Variants in NCK2 observed in about 807,000 individuals in gnomAD.
NCK2 encodes NCK adaptor protein 2, also known as cytoplasmic protein NCK2.
In NCK2, 16 loss-of-function variants were observed where a neutral mutation model predicts 33.9. The observed-to-expected ratio is 0.47, with a 90% CI of 0.32 to 0.72. The LOEUF (loss-of-function observed/expected upper bound fraction) is 0.72. Ranked by LOEUF, NCK2 falls within the 30% of genes least tolerant of loss-of-function variation. NCK2 has a pLI of 0.03. For missense variants in NCK2, 418 were observed against 537.3 expected (o/e 0.78, Z 2.19); for synonymous variants, 273 against 239.9 (o/e 1.14, Z -1.27).
At chr2:105,882,597 CAG>C (rs970149365) in intron 4 of NCK2, among the ~76,000 whole-genome samples, 2 of 152,026 alleles carry the variant, frequency 1.3e-5, no homozygotes, top group Non-Finnish European at 2.9e-5. Flanking sequence ...GAAAAGAAAA[CAG>C]GGGTTCTTGG....
At chr2:105,837,276 A>G (rs1346742136) in intron 2 of NCK2, among the ~76,000 whole-genome samples, 1 of 152,096 alleles carries the variant, frequency 6.6e-6, no homozygotes, top group Admixed American at 6.5e-5. Flanking sequence ...CTTGATTTTT[A>G]ACGTTAGTTT....
At position 105,816,037 on chromosome 2, in the gene NCK2, G is replaced by A. The variant is rs141693560; in HGVS notation, c.-200-393G>A. 4.3e-4 allele frequency among the ~76,000 whole-genome samples: 65 copies of A among 150,068 alleles called. 1 individual carries two copies. Among genetic ancestry groups the A allele is most frequent in the African/African-American group, 1.5e-3 (61 of 41,374 alleles). On this transcript the variant is annotated intron_variant, in intron 1 of 4. Transcript: ENST00000233154. ...GTTGGCCCTCCCCAACCCGAGTGTC[G>A]GAGCTTGCCCAGGGAATGAAAGGTG...
At chr2:105,869,998 A>AG (rs1677933009) in intron 3 of NCK2, among the ~76,000 whole-genome samples, 1 of 152,120 alleles carries the variant, frequency 6.6e-6, no homozygotes, top group African/African-American at 2.4e-5. Context: ...TGGAGTGGAA[A>AG]GTCAGGTTCA....
At chr2:105,780,734 GATTAA>G (rs1164350237) in intron 1 of NCK2, among the ~76,000 whole-genome samples, 9 of 152,258 alleles carry the variant, frequency 5.9e-5, no homozygotes, top group Admixed American at 3.3e-4. Context: ...TTGCAAATGG[GATTAA>G]TTTCCTTACG....
chr2:105,776,074 C>T (rs530999479), intron 1 of NCK2, among the ~76,000 whole-genome samples: 24 of 152,324 alleles, frequency 1.6e-4, no homozygotes, highest in African/African-American at 4.8e-4. Context: ...TGGCCTGGAG[C>T]ATGTCCCTTA....
chr2:105,880,555 A>G (rs1678428768), intron 3 of NCK2, among the ~76,000 whole-genome samples: 1 of 152,186 alleles, frequency 6.6e-6, no homozygotes, highest in African/African-American at 2.4e-5. Context: ...AGCTGGGGGC[A>G]GGGCAGGTTA....
At chr2:105,787,423 C>T (rs1303247064) in intron 1 of NCK2, among the ~76,000 whole-genome samples, 1 of 152,162 alleles carries the variant, frequency 6.6e-6, no homozygotes, top group African/African-American at 2.4e-5. Context: ...AATGGGATTC[C>T]TGCCCTTCTG....
Position 105,859,417 on chromosome 2 carries a change from C to T in NCK2, c.226+4128C>T, listed in dbSNP as rs180928879. Reference sequence around the variant, plus strand: ...ACCTACCTGGGACTTCTGCATCCAGCGTCACCTGCCCCAGGGCTCACTCCT... The same window carrying T: ...ACCTACCTGGGACTTCTGCATCCAGTGTCACCTGCCCCAGGGCTCACTCCT... On this transcript the variant is annotated intron_variant, in intron 3 of 4. Transcript: ENST00000233154. Among the ~76,000 whole-genome samples the T allele has an allele frequency of 2.5e-3, 378 of 152,312 alleles. 10 individuals are homozygous for T. Among genetic ancestry groups the T allele is most frequent in the Admixed American group, 0.022 (343 of 15,308 alleles).
intron 2 of NCK2, among the ~76,000 whole-genome samples, chr2:105,819,886 C>G (rs1459005633): frequency 6.6e-6 from 1 of 151,932 alleles, no homozygotes; most frequent in Admixed American, 6.6e-5. Flanking sequence ...GTATTTTGGG[C>G]TATTTTTCTT....
rs144845328 is a variant in NCK2 at position 105,787,909 on chromosome 2, C to T, written c.-200-28521C>T. Among the ~76,000 whole-genome samples, 949 of 151,668 alleles carry T rather than the reference C, an allele frequency of 6.3e-3. 18 individuals are homozygous for T. The highest frequency in any genetic ancestry group is 0.022 in the African/African-American group (892 of 41,372). ...AACACATGCGTATACCGCCCCCCAC[C>T]GCCCCCGACTTGTAGATCCCTGGCC... On this transcript the variant is annotated intron_variant, in intron 1 of 4. Transcript: ENST00000233154.
intron 2 of NCK2, among the ~76,000 whole-genome samples, chr2:105,821,979 C>G (rs144677137): frequency 1.3e-3 from 194 of 151,806 alleles, no homozygotes; most frequent in African/African-American, 4.3e-3. Context: ...GACCCATTCT[C>G]CAAGTGCTTA....
chr2:105,777,645 G>A (rs933340813), intron 1 of NCK2, among the ~76,000 whole-genome samples: 39 of 152,174 alleles, frequency 2.6e-4, no homozygotes, highest in African/African-American at 8.7e-4. Flanking sequence ...GCTGTTCTCC[G>A]GGTAACAGTC....
At chr2:105,797,726 A>G (rs1440765117) in intron 1 of NCK2, among the ~76,000 whole-genome samples, 1 of 152,162 alleles carries the variant, frequency 6.6e-6, no homozygotes, top group Non-Finnish European at 1.5e-5. Context: ...GTCTTTCGTA[A>G]CCATGATCAG....
At chr2:105,746,450 T>C (rs928637551) in intron 1 of NCK2, among the ~76,000 whole-genome samples, 12 of 152,194 alleles carry the variant, frequency 7.9e-5, no homozygotes, top group African/African-American at 2.9e-4. Flanking sequence ...TAGATGTAGT[T>C]ATCAAGTCTC....
At chr2:105,871,267 G>A (rs1055237461) in intron 3 of NCK2, among the ~76,000 whole-genome samples, 1 of 151,900 alleles carries the variant, frequency 6.6e-6, no homozygotes, top group African/African-American at 2.4e-5. Context: ...ACCAGTGAGC[G>A]CTCCCACAGC....
chr2:105,805,159 C>T (rs768641270), intron 1 of NCK2, among the ~76,000 whole-genome samples: 6 of 152,134 alleles, frequency 3.9e-5, no homozygotes, highest in African/African-American at 9.7e-5. Context: ...GCACGGAGGC[C>T]GGTCTCCTAG....
chr2:105,857,349 C>A (rs976850311), intron 3 of NCK2, among the ~76,000 whole-genome samples: 4 of 152,262 alleles, frequency 2.6e-5, no homozygotes, highest in African/African-American at 9.6e-5. Context: ...CGCCCGTCCC[C>A]GACAGATGGC....
Position 105,745,069 on chromosome 2 carries a change from G to A in NCK2, c.-270G>A, listed in dbSNP as rs1286680967. The A allele has an allele frequency of 2.7e-5, 4 of 147,012 alleles. No homozygotes were observed. The highest frequency in any genetic ancestry group is 6.1e-5 in the Non-Finnish European group (4 of 66,052). 9.1% of individuals were successfully genotyped at this position (147,012 alleles called of 1,614,324 possible). A position where few individuals can be genotyped will look rare whatever the true frequency, so the allele number is the denominator to read the frequency against. On this transcript the variant is annotated 5_prime_UTR_variant, in exon 1 of 5. Transcript: ENST00000233154. ...CGCAGACAAAGAGCGGCGCCTGGGCGGGCGCAGCGCGGCCACCGCCCCGGG... is the reference window on the plus strand; with the variant it reads ...CGCAGACAAAGAGCGGCGCCTGGGCAGGCGCAGCGCGGCCACCGCCCCGGG...
intron 3 of NCK2, among the ~76,000 whole-genome samples, chr2:105,862,644 A>AG (rs1348431567): frequency 6.6e-6 from 1 of 152,222 alleles, no homozygotes; most frequent in Non-Finnish European, 1.5e-5. Flanking sequence ...CAAGCCTTGA[A>AG]GGGGTTCAAG....
Sources: gnomAD v4.1 joint callset for allele counts (sites outside exome capture counted in the v4.1 genomes callset) on GRCh38, gnomAD v4.1.1 for gene constraint, MANE v1.5 for transcripts, NCBI Gene and HGNC (gene_info 2026-07-23, HGNC 2026-07-21) for gene names.